BEND5: variants seen among roughly 807,000 people sequenced by gnomAD.
BEND5 encodes BEN domain-containing protein 5.
BEND5 carries 22 observed loss-of-function variants against 43.9 expected under a neutral mutation model. The ratio of observed to expected loss-of-function variants is 0.50; its 90% confidence interval spans 0.36 to 0.72. BEND5 has a LOEUF of 0.72. BEND5 is among the 30% of genes least tolerant of loss of function. The pLI is 0.00. For missense variants in BEND5, 428 were observed against 550.6 expected, an observed-to-expected ratio of 0.78 and a Z score of 2.23; for synonymous variants, 228 against 225.9, an observed-to-expected ratio of 1.01 and a Z score of -0.08.
chr1:48,745,079 A>G (rs1240450901), intron 3 of BEND5, among the ~76,000 whole-genome samples: 1 of 152,218 alleles, frequency 6.6e-6, no homozygotes, highest in Non-Finnish European at 1.5e-5. Flanking sequence ...TAGACTATAA[A>G]GCTCTTCAAG....
intron 1 of BEND5, among the ~76,000 whole-genome samples, chr1:48,768,797 T>C (rs999229815): frequency 2.0e-5 from 3 of 152,178 alleles, no homozygotes; most frequent in Non-Finnish European, 4.4e-5. Context: ...GTTTAAAGTT[T>C]TTCATCTATA....
At chr1:48,759,349 A>G (rs912503662) in intron 2 of BEND5, 65 bp from the exon 3 acceptor site, 10 of 1,509,874 alleles carry the variant, frequency 6.6e-6, no homozygotes, top group South Asian at 6.4e-5. Context: ...CTGCAGATCA[A>G]TATTTCCCCA....
chr1:48,733,630 G>A (rs1648520984), intron 5 of BEND5, among the ~76,000 whole-genome samples: 1 of 152,192 alleles, frequency 6.6e-6, no homozygotes, highest in Admixed American at 6.5e-5. Flanking sequence ...CAAGCCACAT[G>A]CATGGCTGAG....
chr1:48,773,335 T>G (rs1200536856), intron 1 of BEND5, among the ~76,000 whole-genome samples: 2 of 152,104 alleles, frequency 1.3e-5, no homozygotes, highest in Non-Finnish European at 2.9e-5. Flanking sequence ...AATGAGTAGT[T>G]CTCACTTTCA....
chr1:48,739,744 C>A (rs1389989027), intron 4 of BEND5, among the ~76,000 whole-genome samples: 2 of 152,188 alleles, frequency 1.3e-5, no homozygotes, highest in East Asian at 3.8e-4. Flanking sequence ...CTGTTACATC[C>A]TTTACCCTCT....
intron 4 of BEND5, among the ~76,000 whole-genome samples, chr1:48,739,402 C>G (rs1477133711): frequency 6.6e-6 from 1 of 152,234 alleles, no homozygotes; most frequent in African/African-American, 2.4e-5. Flanking sequence ...CTCAGCCTGG[C>G]TTTGAAGGCC....
chr1:48,760,308 T>C (rs572056209), intron 2 of BEND5, among the ~76,000 whole-genome samples: 4 of 152,308 alleles, frequency 2.6e-5, no homozygotes, highest in South Asian at 2.1e-4. Context: ...TTAGGAGCTC[T>C]CCTGACTGGG....
intron 3 of BEND5, among the ~76,000 whole-genome samples, chr1:48,749,386 G>A (rs927255043): frequency 1.4e-4 from 22 of 152,142 alleles, no homozygotes; most frequent in African/African-American, 4.8e-4. Flanking sequence ...CACTAAACAC[G>A]TGTTTAGCGA....
intron 3 of BEND5, among the ~76,000 whole-genome samples, chr1:48,757,209 A>G (rs891471610): frequency 2.6e-5 from 4 of 152,190 alleles, no homozygotes; most frequent in Admixed American, 6.5e-5. Context: ...TAAAAGGCAT[A>G]GCATACAAAG....
At chr1:48,770,618 C>A (rs1644767588) in intron 1 of BEND5, among the ~76,000 whole-genome samples, 1 of 152,204 alleles carries the variant, frequency 6.6e-6, no homozygotes, top group African/African-American at 2.4e-5. Context: ...GAACCTCAGA[C>A]CACATGCCTA....
At chr1:48,753,254 A>G (rs977103703) in intron 3 of BEND5, among the ~76,000 whole-genome samples, 1 of 152,242 alleles carries the variant, frequency 6.6e-6, no homozygotes, top group African/African-American at 2.4e-5. Flanking sequence ...GTCTGTATGT[A>G]GTGGGCTTTA....
At chr1:48,765,299 AATGAGTAT>A (rs1644476258) in intron 1 of BEND5, among the ~76,000 whole-genome samples, 1 of 152,250 alleles carries the variant, frequency 6.6e-6, no homozygotes, top group Non-Finnish European at 1.5e-5. Context: ...AGGCTACACC[AATGAGTAT>A]ATGAAAGGAG....
chr1:48,760,440 G>T (rs1444257340), intron 2 of BEND5, among the ~76,000 whole-genome samples: 1 of 152,184 alleles, frequency 6.6e-6, no homozygotes, highest in Non-Finnish European at 1.5e-5. Flanking sequence ...CTCTGATATT[G>T]TGTTACATGA....
intron 1 of BEND5, among the ~76,000 whole-genome samples, chr1:48,761,937 T>C (rs1451804366): frequency 2.0e-5 from 3 of 152,144 alleles, no homozygotes; most frequent in Admixed American, 1.3e-4. Context: ...TTATAGCTGA[T>C]AGGGATGTAA....
intron 1 of BEND5, among the ~76,000 whole-genome samples, chr1:48,769,969 A>T (rs1285870477): frequency 2.0e-5 from 3 of 152,202 alleles, no homozygotes; most frequent in South Asian, 4.1e-4. Flanking sequence ...TCTAGAAGTC[A>T]TCTAACCAAA....
rs1045619365 is a variant in BEND5, at chr1:48,776,859, G to C, written c.-28C>G. The C allele has an allele frequency of 5.2e-5, 76 of 1,464,186 alleles. No individual in the cohort carries two copies. The highest frequency in any genetic ancestry group is 6.7e-5 in the Non-Finnish European group (74 of 1,103,058). The allele number at this position is 1,464,186 out of a possible 1,614,324, so 90.7% of individuals were successfully genotyped here. ...TGGGCGCCGGGGGCGGGCCCCGGTC[G>C]GGCAGCTCAGCCCGCGGGGCGGGCG... is the stretch of plus-strand genomic sequence containing the variant. On this transcript the variant is annotated 5_prime_UTR_variant, in exon 1 of 6. Transcript: ENST00000371833.
At chr1:48,746,393 T>G (rs962755002) in intron 3 of BEND5, among the ~76,000 whole-genome samples, 2 of 152,070 alleles carry the variant, frequency 1.3e-5, no homozygotes, top group South Asian at 4.2e-4. Flanking sequence ...ACAGAGCAGG[T>G]CCTTGTACTC....
rs1395610711 is a variant in BEND5, at chr1:48,742,766, C to T, written c.751G>A (p.Ala251Thr). ...VLLLRLGSGP[A>T]IDLEKVKSEC... ...GACTTTACTTTTTCCAGATCAATGG[C>T]GGGACCTAGGCAGTTAAGAAAAGAA... is the stretch of plus-strand genomic sequence containing the variant. The change falls in exon 4 of 6, where the codon GCC (alanine) becomes ACC (threonine). Residue 251 changes from alanine (A) to threonine (T), a missense_variant. Ala to Thr is a moderately conservative substitution (Grantham distance 58). Coordinates refer to ENST00000371833, the MANE Select transcript of BEND5 (RefSeq NM_024603.4). The T allele has an allele frequency of 1.3e-6, 2 of 1,595,496 alleles. No homozygotes were observed. Among genetic ancestry groups the T allele is most frequent in the Non-Finnish European group, 1.7e-6 (2 of 1,169,610 alleles).
chr1:48,776,365 G>C (rs1423571660), intron 1 of BEND5, among the ~76,000 whole-genome samples: 3 of 152,144 alleles, frequency 2.0e-5, no homozygotes, highest in Non-Finnish European at 4.4e-5. Context: ...AGATGAAGAC[G>C]GACTGACAGC....
Sources: gnomAD v4.1 joint callset for allele counts (sites outside exome capture counted in the v4.1 genomes callset) on GRCh38, gnomAD v4.1.1 for gene constraint, MANE v1.5 for transcripts, NCBI Gene and HGNC (gene_info 2026-07-23, HGNC 2026-07-21) for gene names.